COL28A1: variants seen among roughly 807,000 people sequenced by gnomAD.
COL28A1 encodes collagen alpha-1(XXVIII) chain.
In COL28A1, 161 loss-of-function variants were observed where a neutral mutation model predicts 150.2. That is an observed-to-expected ratio of 1.07 (90% CI 0.94 to 1.22). The LOEUF (loss-of-function observed/expected upper bound fraction) is 1.22. COL28A1 is among the 50% of genes most tolerant of loss of function. The probability of loss-of-function intolerance (pLI) is 0.00; values close to 1 mark genes in which losing one functional copy is unlikely to be tolerated. For missense variants in COL28A1, 1,617 were observed against 1,388.3 expected (o/e 1.16, Z -2.62); for synonymous variants, 552 against 469.7 (o/e 1.18, Z -2.26).
chr7:7,464,784 C>T (rs1305712101), intron 15 of COL28A1, among the ~76,000 whole-genome samples: 1 of 152,102 alleles, frequency 6.6e-6, no homozygotes, highest in Non-Finnish European at 1.5e-5. Context: ...CAAACCCAAA[C>T]TCAGCAGAAA....
chr7:7,450,208 T>C (rs962205350), intron 18 of COL28A1, among the ~76,000 whole-genome samples: 4 of 152,168 alleles, frequency 2.6e-5, no homozygotes, highest in Admixed American at 2.6e-4. Flanking sequence ...CTGGGGTACT[T>C]GTTTATTTAT....
intron 6 of COL28A1, among the ~76,000 whole-genome samples, chr7:7,518,559 T>C (rs1781542054): frequency 6.6e-6 from 1 of 152,238 alleles, no homozygotes; most frequent in African/African-American, 2.4e-5. Context: ...TTTAATGTAA[T>C]AGTTAACTTT....
At chr7:7,482,323 G>A (rs1237552651) in intron 13 of COL28A1, among the ~76,000 whole-genome samples, 2 of 152,160 alleles carry the variant, frequency 1.3e-5, no homozygotes, top group African/African-American at 4.8e-5. Context: ...TCAGGAGTTC[G>A]AGATCAGCCT....
At chr7:7,433,458 AC>A (rs1408014976) in intron 23 of COL28A1, among the ~76,000 whole-genome samples, 6 of 152,016 alleles carry the variant, frequency 3.9e-5, no homozygotes, top group Non-Finnish European at 5.9e-5. Flanking sequence ...ACACGGTGAA[AC>A]CCCGTCTCTA....
At chr7:7,413,225 A>G (rs1248950390) in intron 27 of COL28A1, among the ~76,000 whole-genome samples, 4 of 152,158 alleles carry the variant, frequency 2.6e-5, no homozygotes, top group Admixed American at 2.6e-4. Context: ...CTTGTTAGGC[A>G]TGGAATAGTC....
chr7:7,372,526 C>T (rs1165409978), intron 32 of COL28A1, among the ~76,000 whole-genome samples: 2 of 151,960 alleles, frequency 1.3e-5, no homozygotes, highest in Non-Finnish European at 2.9e-5. Context: ...ATAGAACATC[C>T]CCTCTAATTA....
intron 2 of COL28A1, among the ~76,000 whole-genome samples, chr7:7,532,535 G>A (rs1460508094): frequency 6.6e-6 from 1 of 151,850 alleles, no homozygotes; most frequent in East Asian, 1.9e-4. Context: ...TTACTGTGAG[G>A]CTCAAATGAG....
At chr7:7,394,543 T>C (rs2109779) in intron 27 of COL28A1, among the ~76,000 whole-genome samples, 16,224 of 152,262 alleles carry the variant, frequency 0.11, 927 homozygotes, top group Middle Eastern at 0.16. Flanking sequence ...TATTTTCTGC[T>C]GCAGTTGCTG....
chr7:7,373,666 G>T lies in COL28A1; in HGVS notation c.2360-120C>A, dbSNP rs1781360601. The T allele has an allele frequency of 1.3e-6, 1 of 786,424 alleles. No homozygotes were observed. Among genetic ancestry groups the T allele is most frequent in the Non-Finnish European group, 2.0e-6 (1 of 499,434 alleles). 48.7% of individuals were successfully genotyped at this position (786,424 alleles called of 1,614,324 possible). A position where few individuals can be genotyped will look rare whatever the true frequency, so the allele number is the denominator to read the frequency against. ...CTAAACTATTCTCTTCCTTTTCTGT[G>T]ATTGTGAAAATACCTGACAGCTGTC... is the stretch of plus-strand genomic sequence containing the variant. On this transcript the variant is annotated intron_variant, in intron 31 of 34. Coordinates refer to ENST00000399429, the MANE Select transcript of COL28A1 (RefSeq NM_001037763.3). The surrounding 1 kb of genome is among the most constrained non-coding windows in gnomAD (Gnocchi z 4.1).
chr7:7,386,887 T>C (rs962234473), intron 27 of COL28A1, among the ~76,000 whole-genome samples: 2 of 152,174 alleles, frequency 1.3e-5, no homozygotes, highest in Admixed American at 6.5e-5. Context: ...TTCTGGAGGC[T>C]AGAAAGCCCA....
At chr7:7,381,726 T>A (rs1411471773) in intron 27 of COL28A1, 114 bp from the exon 28 acceptor site, 1 of 669,804 alleles carries the variant, frequency 1.5e-6, no homozygotes, top group African/African-American at 1.8e-5. Context: ...TATCTAAATA[T>A]TAGGGGAAAT....
intron 19 of COL28A1, among the ~76,000 whole-genome samples, chr7:7,444,121 CG>C (rs1299049549): frequency 1.3e-5 from 2 of 150,430 alleles, no homozygotes; most frequent in Non-Finnish European, 2.9e-5. Flanking sequence ...TAGGGGGAGG[CG>C]GGGGGAGTGG....
rs186508606 is a variant in COL28A1 at position 7,439,189 on chromosome 7, C to G, written c.1722+1601G>C. On this transcript the variant is annotated intron_variant, in intron 21 of 34. Transcript: ENST00000399429. ...ACCAGTGATGACTCCTGCCCAGGGC[C>G]GTGTTCATCTTCAGAGCTGAAGCCT... Among the ~76,000 whole-genome samples the G allele has an allele frequency of 7.9e-5, 12 of 152,266 alleles. No homozygotes were observed. The East Asian group carries it at 1.9e-3, about 24-fold the overall frequency.
At chr7:7,517,354 C>T (rs921331923) in intron 7 of COL28A1, among the ~76,000 whole-genome samples, 2 of 152,120 alleles carry the variant, frequency 1.3e-5, no homozygotes, top group Non-Finnish European at 2.9e-5. Context: ...GGGCAATATC[C>T]ACTATCTTCT....
chr7:7,371,054 C>A (rs1781200673), intron 32 of COL28A1, among the ~76,000 whole-genome samples, 172 bp from the exon 33 acceptor site: 1 of 152,102 alleles, frequency 6.6e-6, no homozygotes, highest in African/African-American at 2.4e-5. Flanking sequence ...AAGAGGTCAT[C>A]TAAAATAATA....
At chr7:7,485,522 A>G (rs1285586785) in intron 13 of COL28A1, among the ~76,000 whole-genome samples, 2 of 152,180 alleles carry the variant, frequency 1.3e-5, no homozygotes, top group Non-Finnish European at 2.9e-5. Context: ...TGACATGTCT[A>G]AGAAATCTTC....
Position 7,417,533 on chromosome 7 carries a change from GGAGGGA to G in COL28A1, c.2136+320_2136+325del, listed in dbSNP as rs1315005451. Reference sequence around the variant, plus strand: ...AGGGAAGGAGGGAGGGGGGAGGGAGGGAGGGAGGGGGGGGGGAGAGAGAGAGAGAGA... The same window carrying G: ...AGGGAAGGAGGGAGGGGGGAGGGAGGGGGGGGGGGGAGAGAGAGAGAGAGA... On this transcript the variant is annotated intron_variant, in intron 27 of 34. Transcript: ENST00000399429. 4.4e-3 allele frequency: 496 copies of G among 113,544 alleles called. 9 individuals carry two copies. The African/African-American group carries it at 0.051, about 12-fold the overall frequency. 7.0% of individuals were successfully genotyped at this position (113,544 alleles called of 1,614,324 possible).
At chr7:7,462,845 G>C (rs1345086589) in intron 15 of COL28A1, among the ~76,000 whole-genome samples, 2 of 142,364 alleles carry the variant, frequency 1.4e-5, no homozygotes, top group Non-Finnish European at 3.0e-5. Context: ...TGGGCAACAA[G>C]AGCAAAACTC....
chr7:7,448,190 A>C (rs1250983147), intron 18 of COL28A1, among the ~76,000 whole-genome samples: 1 of 152,220 alleles, frequency 6.6e-6, no homozygotes, highest in African/African-American at 2.4e-5. Flanking sequence ...ATCTAAGAAT[A>C]TCAGTGAACC....
Sources: allele counts gnomAD v4.1 joint callset (sites outside exome capture counted in the v4.1 genomes callset), GRCh38; gene constraint gnomAD v4.1.1; non-coding constraint Gnocchi (gnomAD v3.1); transcripts MANE v1.5; gene names NCBI Gene and HGNC (gene_info 2026-07-23, HGNC 2026-07-21).